Variants in GNAQ observed in about 807,000 individuals in gnomAD.
GNAQ encodes G protein subunit alpha q, also known as guanine nucleotide-binding protein G(q) subunit alpha.
GNAQ carries 8 observed loss-of-function variants against 43.9 expected under a neutral mutation model. The ratio of observed to expected loss-of-function variants is 0.18; its 90% CI spans 0.11 to 0.33. GNAQ has a LOEUF of 0.33. Among genes scored for constraint, GNAQ ranks in the 10% least tolerant of loss-of-function variants. GNAQ has a pLI of 1.00. For synonymous variants in GNAQ, 155 were observed against 170.7 expected (o/e 0.91, Z 0.71); for missense variants, 158 against 450.8 (o/e 0.35, Z 5.88).
At chr9:78,024,715 T>C (rs1449874388) in intron 1 of GNAQ, among the ~76,000 whole-genome samples, 2 of 152,220 alleles carry the variant, frequency 1.3e-5, no homozygotes, top group Non-Finnish European at 2.9e-5. Flanking sequence ...TAGTCTTTCC[T>C]GTCGGCAAAT....
At position 77,893,187 on chromosome 9, in the gene GNAQ, C is replaced by T. The variant is rs1051007822; in HGVS notation, c.321+28974G>A. Among the ~76,000 whole-genome samples the T allele has an allele frequency of 2.0e-5, 3 of 152,220 alleles. No homozygotes were observed. The East Asian group carries it at 5.8e-4, about 29-fold the overall frequency. On this transcript the variant is annotated intron_variant, in intron 2 of 6. Coordinates refer to ENST00000286548, the MANE Select transcript of GNAQ (RefSeq NM_002072.5). Reference sequence around the variant, plus strand: ...AGGCACTTCAAGTCACAGGATGAGACAGTAGGTCAGCACAAGATACAGGTC... The same window carrying T: ...AGGCACTTCAAGTCACAGGATGAGATAGTAGGTCAGCACAAGATACAGGTC...
chr9:77,740,843 T>C (rs1465866039), intron 5 of GNAQ, among the ~76,000 whole-genome samples: 1 of 152,182 alleles, frequency 6.6e-6, no homozygotes, highest in Admixed American at 6.5e-5. Flanking sequence ...CATTTTAGTG[T>C]GTAAAAGGCA....
intron 4 of GNAQ, among the ~76,000 whole-genome samples, chr9:77,796,878 C>T (rs924921359): frequency 6.6e-6 from 1 of 152,140 alleles, no homozygotes; most frequent in Non-Finnish European, 1.5e-5. Context: ...AAAACATATC[C>T]ATTGTCCTTA....
chr9:78,002,268 CAG>C (rs760065796), intron 1 of GNAQ, among the ~76,000 whole-genome samples: 1 of 152,078 alleles, frequency 6.6e-6, no homozygotes. Flanking sequence ...AATCTATGCA[CAG>C]AGATTATACC....
chr9:77,922,947 C>T (rs2118279454), intron 1 of GNAQ, among the ~76,000 whole-genome samples: 1 of 152,204 alleles, frequency 6.6e-6, no homozygotes, highest in East Asian at 1.9e-4. Flanking sequence ...CCATCTGAGT[C>T]TCTTGATCCT....
intron 1 of GNAQ, among the ~76,000 whole-genome samples, chr9:78,022,157 C>T (rs538734868): frequency 2.7e-4 from 41 of 152,162 alleles, no homozygotes; most frequent in South Asian, 1.4e-3. Context: ...CCAGGCCAAC[C>T]CGAAGGAGCC....
intron 1 of GNAQ, among the ~76,000 whole-genome samples, chr9:78,009,457 C>T (rs1823747822): frequency 6.6e-6 from 1 of 152,120 alleles, no homozygotes; most frequent in African/African-American, 2.4e-5. Flanking sequence ...CCTTTTATAC[C>T]AACACAAGTG....
At chr9:77,988,784 C>T (rs1272059421) in intron 1 of GNAQ, among the ~76,000 whole-genome samples, 1 of 152,194 alleles carries the variant, frequency 6.6e-6, no homozygotes, top group Non-Finnish European at 1.5e-5. Flanking sequence ...ATTTACTAAT[C>T]TCAATTGCCA....
At chr9:77,751,126 G>A (rs1825804530) in intron 5 of GNAQ, among the ~76,000 whole-genome samples, 1 of 152,174 alleles carries the variant, frequency 6.6e-6, no homozygotes, top group South Asian at 2.1e-4. Flanking sequence ...AGCAATTAAA[G>A]GTGATTACAA....
At chr9:77,839,043 T>G (rs1298192241) in intron 2 of GNAQ, among the ~76,000 whole-genome samples, 1 of 152,110 alleles carries the variant, frequency 6.6e-6, no homozygotes, top group Non-Finnish European at 1.5e-5. Context: ...GGGTCCATAC[T>G]GGCTGGGTTG....
chr9:77,800,371 C>T (rs978929059), intron 3 of GNAQ, among the ~76,000 whole-genome samples: 1 of 151,992 alleles, frequency 6.6e-6, no homozygotes, highest in African/African-American at 2.4e-5. Flanking sequence ...GGCACATATA[C>T]ACCATGGAAT....
chr9:77,920,648 T>G (rs2118270293), intron 2 of GNAQ, among the ~76,000 whole-genome samples: 1 of 152,318 alleles, frequency 6.6e-6, no homozygotes, highest in East Asian at 1.9e-4. Flanking sequence ...TGCAGCTTAC[T>G]CTGGCTCAAT....
At chr9:77,921,747 G>A (rs966999173) in intron 2 of GNAQ, among the ~76,000 whole-genome samples, 10 of 152,126 alleles carry the variant, frequency 6.6e-5, no homozygotes, top group African/African-American at 2.4e-4. Context: ...AGACAGAATA[G>A]TTTTAGGTTG....
intron 1 of GNAQ, among the ~76,000 whole-genome samples, chr9:78,019,108 T>C (rs1168473400): frequency 6.6e-6 from 1 of 152,196 alleles, no homozygotes; most frequent in African/African-American, 2.4e-5. Flanking sequence ...ATTGATGAAG[T>C]CCTGTAATTT....
chr9:77,898,022 C>T (rs145590760), intron 2 of GNAQ, among the ~76,000 whole-genome samples: 76 of 150,656 alleles, frequency 5.0e-4, no homozygotes, highest in African/African-American at 1.8e-3. Flanking sequence ...GCCAAGAAAG[C>T]GGGATGACAA....
chr9:77,941,945 CACAG>C (rs759114048), intron 1 of GNAQ, among the ~76,000 whole-genome samples: 2 of 142,062 alleles, frequency 1.4e-5, no homozygotes, highest in African/African-American at 5.4e-5. Flanking sequence ...CACACACACA[CACAG>C]AGTATTATAT....
At chr9:77,760,168 C>T (rs1825971165) in intron 5 of GNAQ, among the ~76,000 whole-genome samples, 1 of 147,856 alleles carries the variant, frequency 6.8e-6, no homozygotes, top group Admixed American at 6.8e-5. Context: ...TTATACCCAC[C>T]TCTATCTAGT....
chr9:78,021,349 T>C (rs770032196), intron 1 of GNAQ, among the ~76,000 whole-genome samples: 1 of 152,198 alleles, frequency 6.6e-6, no homozygotes. Flanking sequence ...AAGGTTTCTC[T>C]GATCATGGTC....
chr9:77,725,892 C>A (rs913516101), intron 6 of GNAQ, among the ~76,000 whole-genome samples: 6 of 152,170 alleles, frequency 3.9e-5, no homozygotes, highest in Non-Finnish European at 7.3e-5. Flanking sequence ...TGTTCTGCAT[C>A]CTCCCTTATG....
Sources: gnomAD v4.1 joint callset for allele counts (sites outside exome capture counted in the v4.1 genomes callset) on GRCh38, gnomAD v4.1.1 for gene constraint, MANE v1.5 for transcripts, NCBI Gene and HGNC (gene_info 2026-07-23, HGNC 2026-07-21) for gene names.